Variants in SPINK5 observed in about 807,000 individuals in gnomAD.
SPINK5 encodes the protein serine protease inhibitor Kazal-type 5.
A neutral mutation model predicts 151.8 loss-of-function variants in SPINK5; 125 were observed. The ratio of observed to expected loss-of-function variants is 0.82; its 90% CI spans 0.71 to 0.96. SPINK5 has a LOEUF of 0.96. SPINK5 is among the 40% of genes least tolerant of loss of function. The pLI is 0.00. For missense variants in SPINK5, 1,194 were observed against 1,291.9 expected, an observed-to-expected ratio of 0.92 and a Z score of 1.16; for synonymous variants, 374 against 395.3, an observed-to-expected ratio of 0.95 and a Z score of 0.64.
In SPINK5 at chr5:148,123,390, A is replaced by ATAGATAGATAGATATAATATAT. The variant is rs1288487019; in HGVS notation, c.2539-441_2539-440insGATAGATAGATATAATATATTA. ...TATTATATACATAACAAGATTATATATATATATAGATAGATATAATATATT... is the reference window on the plus strand; with the variant it reads ...TATTATATACATAACAAGATTATATATAGATAGATAGATATAATATATTATATATAGATAGATATAATATATT... On this transcript the variant is annotated intron_variant, in intron 26 of 32. Transcript: ENST00000256084. Among the ~76,000 whole-genome samples, 133 of 55,496 alleles carry ATAGATAGATAGATATAATATAT rather than the reference A, an allele frequency of 2.4e-3. 1 individual carries two copies. The highest frequency in any genetic ancestry group is 4.3e-3 in the Non-Finnish European group (96 of 22,566). The allele number at this position is 55,496 out of a possible 152,430, so 36.4% of individuals were successfully genotyped here.
chr5:148,108,820 A>G lies in SPINK5; in HGVS notation c.1675A>G (p.Lys559Glu), dbSNP rs777594346. 1.9e-6 allele frequency: 3 copies of G among 1,612,184 alleles called. No homozygotes were observed. Among genetic ancestry groups the G allele is most frequent in the Admixed American group, 3.3e-5 (2 of 59,938 alleles). ...EKGKVEAEKV[K>E]REAVQELCSE... ...AGGGAAAGTCGAGGCTGAAAAAGTT[A>G]AGAGAGAAGCAGTTCAGGTAGTTGT... Residue 559 changes from lysine (K) to glutamate (E), a missense_variant, in exon 18 of 33, where the codon AAG becomes GAG. Coordinates refer to ENST00000256084, the MANE Select transcript of SPINK5 (RefSeq NM_006846.4).
rs1293113024 is a variant in SPINK5 at position 148,129,652 on chromosome 5, CTG to C, written c.2965-1604_2965-1603del. On this transcript the variant is annotated intron_variant, in intron 30 of 32. Coordinates refer to ENST00000256084, the MANE Select transcript of SPINK5 (RefSeq NM_006846.4). ...CATATAAGTTACTTATCTAAATTCT[CTG>C]TGAATATTTGTACCAATATGGAACT... 1.9e-4 allele frequency among the ~76,000 whole-genome samples: 29 copies of C among 152,244 alleles called. No individual in the cohort carries two copies. In the East Asian group the frequency reaches 5.2e-3, roughly 27 times the overall value.
In SPINK5 at chr5:148,064,074, G is replaced by T. The variant is rs960102038; in HGVS notation, c.30G>T (p.Leu10=). 1 of 1,614,106 alleles carries T rather than the reference G, an allele frequency of 6.2e-7. No homozygotes were observed. The highest frequency in any genetic ancestry group is 1.3e-5 in the African/African-American group (1 of 75,042). The change falls in exon 1 of 33, where the codon CTG becomes CTT. Residue 10 remains leucine (L), a synonymous_variant. Transcript: ENST00000256084. ...AGATAGCCACAGTGTCAGTGCTTCT[G>T]CCCTTGGCTCTTTGCCTCATACAAG... The part of the protein sequence containing the change: MKIATVSVL[L]PLALCLIQDA...
At chr5:148,123,803 A>G in intron 26 of SPINK5, 30 bp from the exon 27 acceptor site, 1 of 1,613,708 alleles carries the variant, frequency 6.2e-7, no homozygotes. Context: ...ATACCATGAC[A>G]GTAACAACTT....
intron 32 of SPINK5, among the ~76,000 whole-genome samples, chr5:148,135,264 T>C (rs974574334): frequency 6.6e-6 from 1 of 152,180 alleles, no homozygotes; most frequent in African/African-American, 2.4e-5. Flanking sequence ...TTCCCCGTCC[T>C]CACAAACTCA....
chr5:148,116,398 AAAG>A lies in SPINK5; in HGVS notation c.2049_2051del (p.Glu685del), dbSNP rs1352031532. ...GAAAGAAAATGAGGAAAGAAAGAGGAAAGAAGAGGAAGATCAGAGAAATGCTGC... is the reference window on the plus strand; with the variant it reads ...GAAAGAAAATGAGGAAAGAAAGAGGAAAGAGGAAGATCAGAGAAATGCTGC... On this transcript the variant is annotated inframe_deletion, in exon 22 of 33. Transcript: ENST00000256084. 1 of 1,614,168 alleles carries A rather than the reference AAAG, an allele frequency of 6.2e-7. No individual in the cohort carries two copies. The highest frequency in any genetic ancestry group is 8.5e-7 in the Non-Finnish European group (1 of 1,179,998).
At chr5:148,067,132 T>A (rs1410210724) in intron 2 of SPINK5, among the ~76,000 whole-genome samples, 1 of 152,226 alleles carries the variant, frequency 6.6e-6, no homozygotes, top group African/African-American at 2.4e-5. Flanking sequence ...TGCTTAAATT[T>A]GTCATCACCT....
rs6892205 is a variant in SPINK5 at position 148,095,823 on chromosome 5, A to G, written c.800A>G (p.Gln267Arg). 0.51 allele frequency: 827,279 copies of G among 1,607,930 alleles called. 215,197 individuals carry two copies. Among genetic ancestry groups the G allele is most frequent in the Admixed American group, 0.67 (40,137 of 59,740 alleles). Reference sequence around the variant, plus strand: ...ATTTATTTTACTTTTTCCAGCAAGCAGCGTTTTTCAGAGGAAAACAGTAAA... The same window carrying G: ...ATTTATTTTACTTTTTCCAGCAAGCGGCGTTTTTCAGAGGAAAACAGTAAA... ...KCALCAEIFK[Q>R]RFSEENSKTD... Residue 267 changes from glutamine (Q) to arginine (R), a missense_variant, in exon 10 of 33, where the codon CAG becomes CGG. Coordinates refer to ENST00000256084, the MANE Select transcript of SPINK5 (RefSeq NM_006846.4).
intron 4 of SPINK5, among the ~76,000 whole-genome samples, chr5:148,072,859 T>A (rs1362020706): frequency 9.4e-6 from 1 of 106,940 alleles, no homozygotes; most frequent in Admixed American, 1.1e-4. Flanking sequence ...AGAAAAGTGT[T>A]CTCTGGTAAA....
chr5:148,078,765 T>C (rs1354054876), intron 4 of SPINK5, among the ~76,000 whole-genome samples: 1 of 150,788 alleles, frequency 6.6e-6, no homozygotes. Flanking sequence ...AATTTAAGAC[T>C]TACTGGACTT....
chr5:148,079,900 T>C (rs1302876215), intron 4 of SPINK5, among the ~76,000 whole-genome samples: 3 of 151,124 alleles, frequency 2.0e-5, no homozygotes, highest in Non-Finnish European at 4.5e-5. Context: ...CTGGAGGTTC[T>C]TAGCCAGTAT....
intron 4 of SPINK5, among the ~76,000 whole-genome samples, chr5:148,080,219 T>G (rs1581059172): frequency 1.3e-5 from 2 of 151,250 alleles, no homozygotes; most frequent in African/African-American, 4.8e-5. Context: ...TATAAAATGG[T>G]ACTGAGAAAA....
At chr5:148,073,229 G>A (rs1383490835) in intron 4 of SPINK5, among the ~76,000 whole-genome samples, 2 of 151,760 alleles carry the variant, frequency 1.3e-5, no homozygotes, top group Non-Finnish European at 2.9e-5. Context: ...AATCAGTCAA[G>A]GTTAGTACAC....
At chr5:148,130,126 C>T (rs1236761420) in intron 30 of SPINK5, among the ~76,000 whole-genome samples, 1 of 151,854 alleles carries the variant, frequency 6.6e-6, no homozygotes, top group Non-Finnish European at 1.5e-5. Context: ...TGGCTAGCTC[C>T]TTCAGATGAA....
intron 27 of SPINK5, among the ~76,000 whole-genome samples, chr5:148,124,385 T>C (rs1307828253): frequency 1.3e-5 from 2 of 152,204 alleles, no homozygotes; most frequent in African/African-American, 4.8e-5. Context: ...ATTATACCTA[T>C]GTAAATAACA....
In SPINK5 at chr5:148,064,054, G is replaced by A. The variant is rs1752512067; in HGVS notation, c.10G>A (p.Ala4Thr). 1 of 1,614,174 alleles carries A rather than the reference G, an allele frequency of 6.2e-7. No homozygotes were observed. Among genetic ancestry groups the A allele is most frequent in the Non-Finnish European group, 8.5e-7 (1 of 1,180,032 alleles). MKI[A>T]TVSVLLPLAL... is the part of the protein sequence containing the mutation. ...TTGCATCGTCTTCAACATGAAGATA[G>A]CCACAGTGTCAGTGCTTCTGCCCTT... is the stretch of plus-strand genomic sequence containing the variant. The change falls in exon 1 of 33, where the codon GCC (alanine) becomes ACC (threonine). Residue 4 changes from alanine (A) to threonine (T), a missense_variant. Coordinates refer to ENST00000256084, the MANE Select transcript of SPINK5 (RefSeq NM_006846.4).
intron 26 of SPINK5, among the ~76,000 whole-genome samples, chr5:148,123,193 T>A (rs1754319335): frequency 6.6e-6 from 1 of 151,278 alleles, no homozygotes; most frequent in Non-Finnish European, 1.5e-5. Context: ...CTACAAAAAA[T>A]TTTAAAATAT....
intron 9 of SPINK5, 110 bp from the exon 10 acceptor site, chr5:148,095,708 G>T: frequency 1.1e-6 from 1 of 899,924 alleles, no homozygotes; most frequent in Non-Finnish European, 1.8e-6. Flanking sequence ...TTTTTAAAGT[G>T]TTTGTACTAA....
chr5:148,124,795 A>C lies in SPINK5; in HGVS notation c.2697A>C (p.Lys899Asn), dbSNP rs775645249. The C allele has an allele frequency of 7.5e-6, 12 of 1,608,512 alleles. No homozygotes were observed. The highest frequency in any genetic ancestry group is 1.7e-4 in the Middle Eastern group (1 of 5,992). ...FDREANERKK[K>N]DEEKSSSKPS... ...GAGAAGCTAATGAAAGAAAAAAGAA[A>C]GATGAAGAGAAATCAAGTAGCAAGC... The change falls in exon 28 of 33, where the codon AAA becomes AAC. Residue 899 changes from lysine (K) to asparagine (N), a missense_variant. Physicochemically the swap from Lys to Asn is moderately conservative, Grantham distance 94. Coordinates refer to ENST00000256084, the MANE Select transcript of SPINK5 (RefSeq NM_006846.4).
Sources: allele counts gnomAD v4.1 joint callset (sites outside exome capture counted in the v4.1 genomes callset), GRCh38; gene constraint gnomAD v4.1.1; transcripts MANE v1.5; gene names NCBI Gene and HGNC (gene_info 2026-07-23, HGNC 2026-07-21).